PRC1: variants seen among roughly 807,000 people sequenced by gnomAD.
The protein encoded by PRC1 is anaphase spindle elongation 1 homolog.
In PRC1, 54 loss-of-function variants were observed where a neutral mutation model predicts 91.2. The observed-to-expected ratio is 0.59, with a 90% CI of 0.48 to 0.74. The LOEUF (loss-of-function observed/expected upper bound fraction) is 0.74, where lower values mean the gene tolerates loss of function less well. Among genes scored for constraint, PRC1 ranks in the 30% least tolerant of loss-of-function variants. The pLI is 0.00. For synonymous variants in PRC1, 275 were observed against 263.6 expected, an observed-to-expected ratio of 1.04 and a Z score of -0.42; for missense variants, 727 against 746.2, an observed-to-expected ratio of 0.97 and a Z score of 0.30.
At chr15:90,978,620 G>A (rs564528132) in intron 8 of PRC1, among the ~76,000 whole-genome samples, 5 of 151,990 alleles carry the variant, frequency 3.3e-5, no homozygotes, top group Non-Finnish European at 7.4e-5. Flanking sequence ...GGGTGTGGTG[G>A]TGCATGCCTG....
At chr15:90,985,565 T>C (rs762192649) in intron 1 of PRC1, among the ~76,000 whole-genome samples, 4 of 51,416 alleles carry the variant, frequency 7.8e-5, no homozygotes, top group Non-Finnish European at 1.2e-4. Flanking sequence ...TTTTATTTTC[T>C]TTTTTTTTTT....
intron 1 of PRC1, among the ~76,000 whole-genome samples, chr15:90,989,216 C>T (rs543682666): frequency 1.3e-5 from 2 of 152,158 alleles, no homozygotes; most frequent in African/African-American, 2.4e-5. Flanking sequence ...CAAGACGGTA[C>T]AGCCTCTTTG....
chr15:90,972,264 G>A (rs1237963044), intron 11 of PRC1, among the ~76,000 whole-genome samples: 2 of 147,580 alleles, frequency 1.4e-5, no homozygotes, highest in African/African-American at 5.0e-5. Context: ...GTGCCCGTAA[G>A]TCTCAGCTAC....
At chr15:90,981,356 A>G (rs990029340) in intron 5 of PRC1, 143 bp downstream of exon 5, 2 of 940,462 alleles carry the variant, frequency 2.1e-6, no homozygotes, top group African/African-American at 1.7e-5. Flanking sequence ...TCAAGGTTGT[A>G]TATCATATAT....
chr15:90,969,092 G>A lies in PRC1; in HGVS notation c.1778C>T (p.Thr593Ile), dbSNP rs752589323. 4 of 1,613,954 alleles carry A rather than the reference G, an allele frequency of 2.5e-6. No homozygotes were observed. In the Admixed American group the frequency reaches 6.7e-5, roughly 27 times the overall value. The change falls in exon 14 of 15, where the codon ACT becomes ATT. Residue 593 changes from threonine (T) to isoleucine (I), a missense_variant. Physicochemically the swap from Thr to Ile is moderately conservative, Grantham distance 89. Coordinates refer to ENST00000394249, the MANE Select transcript of PRC1 (RefSeq NM_003981.4). ...AKDPSLSDSS[T>I]VGLQRELSKA... is the part of the protein sequence containing the mutation. ...TGCCATACAGACCTGAAGCCCAACA[G>A]TGGAACTGTCAGAGAGGGACGGATC...
In PRC1 at chr15:90,981,853, G is replaced by A. The variant is rs769988851; in HGVS notation, c.396C>T (p.Cys132=). The A allele has an allele frequency of 1.3e-5, 21 of 1,614,056 alleles. No individual in the cohort carries two copies. The highest frequency in any genetic ancestry group is 7.7e-5 in the South Asian group (7 of 91,088). Residue 132 remains cysteine, a synonymous_variant, in exon 4 of 15, where the codon TGC becomes TGT. Transcript: ENST00000394249. ...CATAGTGGGGCATACAAAGAATTTC[G>A]CACAGTTCTTGATCTTGCTCTTGAA... ...KLLQEQDQEL[C]EILCMPHYDI...
rs987240721 is a variant in PRC1 at position 90,974,128 on chromosome 15, G to T, written c.1461+8C>A. 2 of 1,610,768 alleles carry T rather than the reference G, an allele frequency of 1.2e-6. No homozygotes were observed. Among genetic ancestry groups the T allele is most frequent in the South Asian group, 2.2e-5 (2 of 91,014 alleles). On this transcript the variant is annotated splice_region_variant and intron_variant, in intron 11 of 14. Transcript: ENST00000394249. The surrounding 1 kb of genome is among the most constrained non-coding windows in gnomAD (Gnocchi z 4.6). Reference sequence around the variant, plus strand: ...TGAAATCAGTGTTTCCCTAAGCCTTGTGTTTACCTTACGTGCTTTGCCCGG... The same window carrying T: ...TGAAATCAGTGTTTCCCTAAGCCTTTTGTTTACCTTACGTGCTTTGCCCGG...
intron 1 of PRC1, among the ~76,000 whole-genome samples, chr15:90,989,306 G>GGT (rs992744555): frequency 1.1e-4 from 16 of 151,928 alleles, no homozygotes; most frequent in African/African-American, 3.6e-4. Context: ...GGAGTGCAGT[G>GGT]GTGTGATCAT....
chr15:90,985,275 G>A (rs1316070218), intron 1 of PRC1, among the ~76,000 whole-genome samples: 1 of 151,104 alleles, frequency 6.6e-6, no homozygotes, highest in Non-Finnish European at 1.5e-5. Context: ...CTGTCGCCCA[G>A]GCTGGAGTGC....
intron 14 of PRC1, chr15:90,967,499 T>A: frequency 2.9e-6 from 1 of 343,698 alleles, no homozygotes; most frequent in East Asian, 5.6e-5. Flanking sequence ...TAATGATGTT[T>A]CAGTTAACGA....
rs1050988089 is a variant in PRC1, at chr15:90,966,647, G to C, written c.*484C>G. On this transcript the variant is annotated 3_prime_UTR_variant, in exon 15 of 15. Coordinates refer to ENST00000394249, the MANE Select transcript of PRC1 (RefSeq NM_003981.4). Reference sequence around the variant, plus strand: ...ACAAAGACATTCTCTTCAGGAGGAAGGCTGTCCTGTGTGGTGGGGACAAGG... The same window carrying C: ...ACAAAGACATTCTCTTCAGGAGGAACGCTGTCCTGTGTGGTGGGGACAAGG... 2.0e-5 allele frequency: 9 copies of C among 456,126 alleles called. No homozygotes were observed. The highest frequency in any genetic ancestry group is 1.6e-4 in the African/African-American group (8 of 50,078). The allele number at this position is 456,126 out of a possible 1,614,324, so 28.3% of individuals were successfully genotyped here.
At chr15:90,991,654 C>G (rs117711476) in intron 1 of PRC1, among the ~76,000 whole-genome samples, 1,730 of 152,054 alleles carry the variant, frequency 0.011, 25 homozygotes, top group South Asian at 0.081. Context: ...ATCCTTGACA[C>G]TTCTTTCTTA....
chr15:90,967,680 T>C (rs1296588357), intron 14 of PRC1: 8 of 341,250 alleles, frequency 2.3e-5, no homozygotes, highest in Non-Finnish European at 3.4e-5. Context: ...TTCTGTAACA[T>C]GCTGCCCAGG....
At chr15:90,985,316 T>A (rs1350131322) in intron 1 of PRC1, among the ~76,000 whole-genome samples, 1 of 150,450 alleles carries the variant, frequency 6.6e-6, no homozygotes, top group Non-Finnish European at 1.5e-5. Flanking sequence ...CTGCAACCTC[T>A]ACCTTTTGCG....
At position 90,984,192 on chromosome 15, in the gene PRC1, C is replaced by A; in HGVS notation, c.145-52G>T. The A allele has an allele frequency of 9.4e-6, 15 of 1,596,556 alleles. No individual in the cohort carries two copies. Among genetic ancestry groups the A allele is most frequent in the Non-Finnish European group, 1.3e-5 (15 of 1,169,644 alleles). The stretch of plus-strand genomic sequence containing the variant: ...TTTGGGGCAATGGAGGAAAAAAACT[C>A]CCAACACCAATACCAAACTCCTCAA... On this transcript the variant is annotated intron_variant, in intron 2 of 14. Transcript: ENST00000394249. The surrounding 1 kb of genome is among the most constrained non-coding windows in gnomAD (Gnocchi z 5.1).
At chr15:90,980,835 A>T in intron 6 of PRC1, 49 bp downstream of exon 6, 1 of 1,611,856 alleles carries the variant, frequency 6.2e-7, no homozygotes, top group Non-Finnish European at 8.5e-7. Context: ...TGACTAACAC[A>T]GAAGTGCTAA....
chr15:90,966,422 G>C lies in PRC1; in HGVS notation c.*709C>G, dbSNP rs2037493852. ...GCGGGGGTAGAAGAACTCAGGCAAA[G>C]TAGGCACAGGAATGGGGGAGATGAG... On this transcript the variant is annotated 3_prime_UTR_variant, in exon 15 of 15. Coordinates refer to ENST00000394249, the MANE Select transcript of PRC1 (RefSeq NM_003981.4). The C allele has an allele frequency of 2.9e-6, 1 of 349,008 alleles. No homozygotes were observed. The highest frequency in any genetic ancestry group is 3.4e-5 in the Admixed American group (1 of 29,584). 21.6% of individuals were successfully genotyped at this position (349,008 alleles called of 1,614,324 possible).
intron 12 of PRC1, 127 bp from the exon 13 acceptor site, chr15:90,969,750 G>A (rs1243144633): frequency 8.3e-6 from 2 of 239,676 alleles, no homozygotes; most frequent in Non-Finnish European, 1.6e-5. Context: ...ATACTTTTTA[G>A]TTAAAAAAAA....
chr15:90,968,152 G>A, intron 14 of PRC1: 2 of 985,442 alleles, frequency 2.0e-6, no homozygotes, highest in Admixed American at 6.1e-5. Context: ...CAGATAGGCA[G>A]GTACATTTAA....
Sources: allele counts gnomAD v4.1 joint callset (sites outside exome capture counted in the v4.1 genomes callset), GRCh38; gene constraint gnomAD v4.1.1; non-coding constraint Gnocchi (gnomAD v3.1); transcripts MANE v1.5; gene names NCBI Gene and HGNC (gene_info 2026-07-23, HGNC 2026-07-21).